CUX1: variants seen among roughly 807,000 people sequenced by gnomAD.
CUX1 encodes protein CASP.
A neutral mutation model predicts 158.8 loss-of-function variants in CUX1; 31 were observed. The observed-to-expected ratio is 0.20, with a 90% CI of 0.15 to 0.26. CUX1 has a LOEUF of 0.26. Ranked by LOEUF, CUX1 falls within the 10% of genes least tolerant of loss-of-function variation. CUX1 has a pLI of 1.00. For synonymous variants in CUX1, 879 were observed against 862.1 expected, an observed-to-expected ratio of 1.02 and a Z score of -0.34; for missense variants, 1,589 against 2,014.6, an observed-to-expected ratio of 0.79 and a Z score of 4.04.
At chr7:101,900,357 C>T (rs903529060) in intron 1 of CUX1, among the ~76,000 whole-genome samples, 1 of 152,254 alleles carries the variant, frequency 6.6e-6, no homozygotes, top group Non-Finnish European at 1.5e-5. Flanking sequence ...TCACTTGCGA[C>T]GCCCGCTCTC....
At position 102,250,335 on chromosome 7, in the gene CUX1, G is replaced by A; in HGVS notation, c.*1293G>A. On this transcript the variant is annotated 3_prime_UTR_variant, in exon 24 of 24. Coordinates refer to ENST00000292535, the MANE Select transcript of CUX1 (RefSeq NM_181552.4). ...CGGGCCCATCCCCAAGTAGATAGCA[G>A]TCTACGGATCTCTCTCTGGCACAGA... The A allele has an allele frequency of 1.0e-6, 1 of 985,510 alleles. No homozygotes were observed. The allele number at this position is 985,510 out of a possible 1,614,324, so 61.0% of individuals were successfully genotyped here.
At position 102,049,502 on chromosome 7, in the gene CUX1, AG is replaced by A. The variant is rs1420559619; in HGVS notation, c.190-20832del. On this transcript the variant is annotated intron_variant, in intron 3 of 23. Coordinates refer to ENST00000292535, the MANE Select transcript of CUX1 (RefSeq NM_181552.4). Reference sequence around the variant, plus strand: ...ATAATTGATTTAGAAGTAGGAGAAGAGGGGGAACCTGTGAGATTACACTGTC... The same window carrying A: ...ATAATTGATTTAGAAGTAGGAGAAGAGGGGAACCTGTGAGATTACACTGTC... Among the ~76,000 whole-genome samples, 11 of 152,204 alleles carry A rather than the reference AG, an allele frequency of 7.2e-5. No homozygotes were observed. The South Asian group carries it at 2.1e-3, about 29-fold the overall frequency.
At chr7:102,211,797 A>T (rs2132146517) in intron 20 of CUX1, among the ~76,000 whole-genome samples, 1 of 151,626 alleles carries the variant, frequency 6.6e-6, no homozygotes, top group East Asian at 1.9e-4. Flanking sequence ...AAAAAAAAAA[A>T]AAAAAACTCA....
At chr7:101,975,970 G>C (rs372216148) in intron 2 of CUX1, among the ~76,000 whole-genome samples, 1 of 152,012 alleles carries the variant, frequency 6.6e-6, no homozygotes, top group Non-Finnish European at 1.5e-5. Context: ...GTGAAACCCC[G>C]TCTCTACTAA....
intron 1 of CUX1, among the ~76,000 whole-genome samples, chr7:101,862,596 TG>T (rs1162698416): frequency 6.6e-6 from 1 of 152,102 alleles, no homozygotes; most frequent in Non-Finnish European, 1.5e-5. Flanking sequence ...TATAAAAAGG[TG>T]GGTTTTTCCT....
intron 2 of CUX1, among the ~76,000 whole-genome samples, chr7:101,999,753 T>C (rs1816442731): frequency 1.3e-5 from 2 of 152,130 alleles, no homozygotes; most frequent in Non-Finnish European, 2.9e-5. Context: ...GGCTGCTTGG[T>C]TTAAGATTAT....
chr7:102,184,309 T>C (rs1793421733), intron 11 of CUX1, among the ~76,000 whole-genome samples: 4 of 152,238 alleles, frequency 2.6e-5, no homozygotes, highest in Admixed American at 2.6e-4. Flanking sequence ...GAGCTTCAAA[T>C]AGACAATTCT....
chr7:102,073,693 C>T (rs528358477), intron 4 of CUX1, among the ~76,000 whole-genome samples: 20 of 152,276 alleles, frequency 1.3e-4, no homozygotes, highest in African/African-American at 4.1e-4. Context: ...TGTACATGTA[C>T]AAATTTTATA....
chr7:101,939,607 G>A (rs1428660478), intron 2 of CUX1, among the ~76,000 whole-genome samples: 1 of 151,990 alleles, frequency 6.6e-6, no homozygotes, highest in Non-Finnish European at 1.5e-5. Context: ...TGAGGCGGGT[G>A]GATCGCTTGA....
At chr7:101,876,609 C>A (rs4729757) in intron 1 of CUX1, among the ~76,000 whole-genome samples, 1 of 151,616 alleles carries the variant, frequency 6.6e-6, no homozygotes, top group African/African-American at 2.4e-5. Context: ...GCAGGGGAAT[C>A]GTTTGAACCT....
In CUX1 at chr7:102,253,442, C is replaced by T. The variant is rs776210021; in HGVS notation, c.*4400C>T. On this transcript the variant is annotated 3_prime_UTR_variant, in exon 24 of 24. Coordinates refer to ENST00000292535, the MANE Select transcript of CUX1 (RefSeq NM_181552.4). ...AGGAGTCCCCAGGTGAGCTCTCTGA[C>T]GGGCAGGTGCCTTCCCGACTAAGGT... 46 of 985,374 alleles carry T rather than the reference C, an allele frequency of 4.7e-5. No individual in the cohort carries two copies. Among genetic ancestry groups the T allele is most frequent in the Admixed American group, 4.3e-4 (7 of 16,266 alleles). The allele number at this position is 985,374 out of a possible 1,614,324, so 61.0% of individuals were successfully genotyped here.
chr7:102,218,021 T>TGACTTCTCAGAGC (rs1325656946), intron 20 of CUX1, among the ~76,000 whole-genome samples: 20 of 152,172 alleles, frequency 1.3e-4, no homozygotes, highest in Non-Finnish European at 2.8e-4. Context: ...AGCTCATGGT[T>TGACTTCTCAGAGC]GACTTCTCAG....
chr7:101,856,246 G>T (rs550941791), intron 1 of CUX1, among the ~76,000 whole-genome samples: 1 of 150,058 alleles, frequency 6.7e-6, no homozygotes, highest in South Asian at 2.1e-4. Context: ...TCTGCTGGAA[G>T]TGTGCAGTAA....
rs1244927333 is a variant in CUX1, at chr7:102,201,220, CAG to C, written c.2063-139_2063-138del. ...ACAAGATGCCTGAATGTTTCACTGACAGGGGCCATGCTGGGGAAATACACAGT... is the reference window on the plus strand; with the variant it reads ...ACAAGATGCCTGAATGTTTCACTGACGGGCCATGCTGGGGAAATACACAGT... On this transcript the variant is annotated intron_variant, in intron 17 of 23. Transcript: ENST00000292535. The surrounding 1 kb of genome is among the most constrained non-coding windows in gnomAD (Gnocchi z 5.0). The C allele has an allele frequency of 5.5e-6, 7 of 1,273,694 alleles. No homozygotes were observed. The highest frequency in any genetic ancestry group is 2.3e-5 in the East Asian group (1 of 43,012). 78.9% of individuals were successfully genotyped at this position (1,273,694 alleles called of 1,614,324 possible).
At chr7:102,277,167 G>T (rs1434760723) in intron 17 of CUX1, among the ~76,000 whole-genome samples, 1 of 152,072 alleles carries the variant, frequency 6.6e-6, no homozygotes, top group Non-Finnish European at 1.5e-5. Context: ...GCATGGTGGT[G>T]TGAGCCTATA....
chr7:102,061,377 A>T (rs1013446813), intron 3 of CUX1, among the ~76,000 whole-genome samples: 1 of 152,122 alleles, frequency 6.6e-6, no homozygotes, highest in Non-Finnish European at 1.5e-5. Context: ...GCTGGATGTT[A>T]TCATATCCCT....
At chr7:102,155,549 G>GA (rs781932414) in intron 8 of CUX1, among the ~76,000 whole-genome samples, 82 of 142,974 alleles carry the variant, frequency 5.7e-4, no homozygotes, top group South Asian at 2.0e-3. Flanking sequence ...GTCTCAAAAA[G>GA]AAAAAAAAAA....
Position 102,250,979 on chromosome 7 carries a change from T to C in CUX1, c.*1937T>C. The C allele has an allele frequency of 2.1e-6, 2 of 957,056 alleles. No homozygotes were observed. Among genetic ancestry groups the C allele is most frequent in the Non-Finnish European group, 2.5e-6 (2 of 804,218 alleles). 59.3% of individuals were successfully genotyped at this position (957,056 alleles called of 1,614,324 possible). A position where few individuals can be genotyped will look rare whatever the true frequency, so the allele number is the denominator to read the frequency against. ...TGATTTCGGTATATATATATATTTTTTTTTGCTTATTTATAGGTGCTGTAT... is the reference window on the plus strand; with the variant it reads ...TGATTTCGGTATATATATATATTTTCTTTTGCTTATTTATAGGTGCTGTAT... On this transcript the variant is annotated 3_prime_UTR_variant, in exon 24 of 24. Coordinates refer to ENST00000292535, the MANE Select transcript of CUX1 (RefSeq NM_181552.4).
chr7:102,105,797 G>A (rs1482194584), intron 6 of CUX1, among the ~76,000 whole-genome samples: 1 of 152,048 alleles, frequency 6.6e-6, no homozygotes, highest in East Asian at 1.9e-4. Flanking sequence ...ACAGGTGTGA[G>A]CCACCACGGC....
Sources: allele counts gnomAD v4.1 joint callset (sites outside exome capture counted in the v4.1 genomes callset), GRCh38; gene constraint gnomAD v4.1.1; non-coding constraint Gnocchi (gnomAD v3.1); transcripts MANE v1.5; gene names NCBI Gene and HGNC (gene_info 2026-07-23, HGNC 2026-07-21).